Variants in FBN3 observed in about 807,000 individuals in gnomAD.
The protein encoded by FBN3 is fibrillin-3.
FBN3 carries 234 observed loss-of-function variants against 330.1 expected under a neutral mutation model. That is an observed-to-expected ratio of 0.71 (90% confidence interval 0.64 to 0.79). FBN3 has a LOEUF of 0.79. Ranked by LOEUF, FBN3 falls within the 30% of genes least tolerant of loss-of-function variation. The probability of loss-of-function intolerance (pLI) is 0.00; values close to 1 mark genes in which losing one functional copy is unlikely to be tolerated. For synonymous variants in FBN3, 1,458 were observed against 1,517.3 expected (o/e 0.96, Z 0.91); for missense variants, 3,606 against 3,886.9 (o/e 0.93, Z 1.92).
Position 8,081,473 on chromosome 19 carries a change from A to G in FBN3, c.7221T>C (p.Asp2407=). The G allele has an allele frequency of 3.1e-6, 5 of 1,603,852 alleles. No individual in the cohort carries two copies. The highest frequency in any genetic ancestry group is 4.3e-6 in the Non-Finnish European group (5 of 1,175,822). Residue 2407 remains aspartate (D), a synonymous_variant, in exon 58 of 64, where the codon GAT becomes GAC. Transcript: ENST00000600128. Reference sequence around the variant, plus strand: ...ATGGCTTGGGGACCTGGCTGCACTCATCCATATCTGGGGAAGGACAGCGTG... The same window carrying G: ...ATGGCTTGGGGACCTGGCTGCACTCGTCCATATCTGGGGAAGGACAGCGTG... ...DATATTCLDM[D]ECSQVPKPCT... is the part of the protein sequence containing the mutation.
chr19:8,127,057 T>C (rs1234857740), intron 18 of FBN3, among the ~76,000 whole-genome samples: 1 of 98,914 alleles, frequency 1.0e-5, no homozygotes, highest in African/African-American at 3.8e-5. Context: ...TGTTTTTTTT[T>C]TGTTTTTTTT....
In FBN3 at chr19:8,089,891, C is replaced by T. The variant is rs1230525295; in HGVS notation, c.6250+3G>A. Reference sequence around the variant, plus strand: ...GCTCTTAGCATGTGGGTGAGGGGCTCACCTTCTCGGGAGTCATCCGGGCCT... The same window carrying T: ...GCTCTTAGCATGTGGGTGAGGGGCTTACCTTCTCGGGAGTCATCCGGGCCT... On this transcript the variant is annotated splice_donor_region_variant and intron_variant, in intron 50 of 63. Transcript: ENST00000600128. The T allele has an allele frequency of 3.8e-6, 6 of 1,594,224 alleles. No individual in the cohort carries two copies. Among genetic ancestry groups the T allele is most frequent in the African/African-American group, 1.3e-5 (1 of 74,746 alleles).
At position 8,065,515 on chromosome 19, in the gene FBN3, C is replaced by A. The variant is rs2081370820; in HGVS notation, c.*404G>T. ...TCTGGGCCCCCTGTACACCCTTCTACTCCGAGGAATAAGCCCTGTGCCCAC... is the reference window on the plus strand; with the variant it reads ...TCTGGGCCCCCTGTACACCCTTCTAATCCGAGGAATAAGCCCTGTGCCCAC... On this transcript the variant is annotated 3_prime_UTR_variant, in exon 64 of 64. Coordinates refer to ENST00000600128, the MANE Select transcript of FBN3 (RefSeq NM_032447.5). 4 of 194,932 alleles carry A rather than the reference C, an allele frequency of 2.1e-5. 1 individual carries two copies. Among genetic ancestry groups the A allele is most frequent in the South Asian group, 3.8e-4 (2 of 5,312 alleles). The allele number at this position is 194,932 out of a possible 1,614,324, so 12.1% of individuals were successfully genotyped here.
At chr19:8,137,343 GGCCTTAGATCCCTCCAACCTGGA>G in intron 10 of FBN3, among the ~76,000 whole-genome samples, 1 of 148,984 alleles carries the variant, frequency 6.7e-6, no homozygotes, top group Admixed American at 6.7e-5. Context: ...TCCAACCTGG[GGCCTTAGATCCCTCCAACCTGGA>G]GCCTAGATCC....
At chr19:8,073,923 C>G (rs1213843986) in intron 61 of FBN3, among the ~76,000 whole-genome samples, 1 of 152,100 alleles carries the variant, frequency 6.6e-6, no homozygotes, top group African/African-American at 2.4e-5. Flanking sequence ...CTCAAATGAT[C>G]CCCCTACCTC....
chr19:8,146,269 T>C (rs1191858947), intron 3 of FBN3, 44 bp from the exon 4 acceptor site: 1 of 1,515,214 alleles, frequency 6.6e-7, no homozygotes, highest in Non-Finnish European at 9.0e-7. Flanking sequence ...GGACCGAGCC[T>C]GGGCCGTCCC....
rs2082188527 is a variant in FBN3 at position 8,095,439 on chromosome 19, AGCT to A, written c.5718_5720del (p.Ala1907del). The A allele has an allele frequency of 6.2e-7, 1 of 1,613,690 alleles. No homozygotes were observed. The highest frequency in any genetic ancestry group is 1.1e-5 in the South Asian group (1 of 91,064). Reference sequence around the variant, plus strand: ...CCTGGCAGAGGCAGTGGAAGGAACCAGCTGTGTTGAGGCAATGGCCAAATCGGC... The same window carrying A: ...CCTGGCAGAGGCAGTGGAAGGAACCAGTGTTGAGGCAATGGCCAAATCGGC... On this transcript the variant is annotated inframe_deletion, in exon 46 of 64. Transcript: ENST00000600128.
chr19:8,132,657 A>C (rs763847127), intron 14 of FBN3, among the ~76,000 whole-genome samples: 1 of 151,116 alleles, frequency 6.6e-6, no homozygotes, highest in Non-Finnish European at 1.5e-5. Context: ...ATACCTGGCT[A>C]ATTTTTGTAT....
chr19:8,109,515 C>T lies in FBN3; in HGVS notation c.4456+116G>A, dbSNP rs1290377818. 9 of 1,533,908 alleles carry T rather than the reference C, an allele frequency of 5.9e-6. No individual in the cohort carries two copies. The Admixed American group carries it at 7.1e-5, about 12-fold the overall frequency. On this transcript the variant is annotated intron_variant, in intron 35 of 63. Coordinates refer to ENST00000600128, the MANE Select transcript of FBN3 (RefSeq NM_032447.5). The surrounding 1 kb of genome is among the most constrained non-coding windows in gnomAD (Gnocchi z 5.2). ...TCTTGCAGGAGACCAGCAGATGTCC[C>T]GTTTGTCAGGAGCAGGTAGATTTGA...
At chr19:8,132,073 G>A (rs1259955444) in intron 14 of FBN3, among the ~76,000 whole-genome samples, 1 of 151,494 alleles carries the variant, frequency 6.6e-6, no homozygotes, top group Non-Finnish European at 1.5e-5. Flanking sequence ...TTTTTTAAAC[G>A]CAGGGTCTGA....
At position 8,065,793 on chromosome 19, in the gene FBN3, G is replaced by T; in HGVS notation, c.*126C>A. On this transcript the variant is annotated 3_prime_UTR_variant, in exon 64 of 64. Transcript: ENST00000600128. The stretch of plus-strand genomic sequence containing the variant: ...GGCCGGGCTTGCCTGAGGTTGTCGT[G>T]TAGCATTTCACTCTTCCTGAGTTTC... The T allele has an allele frequency of 2.3e-6, 2 of 857,302 alleles. No individual in the cohort carries two copies. Among genetic ancestry groups the T allele is most frequent in the Non-Finnish European group, 3.5e-6 (2 of 564,134 alleles). The allele number at this position is 857,302 out of a possible 1,614,324, so 53.1% of individuals were successfully genotyped here.
intron 40 of FBN3, among the ~76,000 whole-genome samples, chr19:8,101,996 A>C (rs1000908567): frequency 6.6e-6 from 1 of 152,158 alleles, no homozygotes; most frequent in Non-Finnish European, 1.5e-5. Context: ...GTGGGAGGTA[A>C]CTGAGTCATG....
At chr19:8,075,535 C>A in intron 59 of FBN3, 124 bp from the exon 60 acceptor site, 1 of 929,016 alleles carries the variant, frequency 1.1e-6, no homozygotes, top group Non-Finnish European at 1.6e-6. Context: ...TGCCTGTTTC[C>A]CACTCTGTGA....
intron 36 of FBN3, among the ~76,000 whole-genome samples, chr19:8,108,619 C>T (rs899207): frequency 0.068 from 10,285 of 152,092 alleles, 1,068 homozygotes; most frequent in African/African-American, 0.23. Context: ...CATTCACACA[C>T]GCATACACCT....
chr19:8,133,084 G>A lies in FBN3; in HGVS notation c.1614C>T (p.Ser538=), dbSNP rs1167923352. The A allele has an allele frequency of 6.3e-7, 1 of 1,581,342 alleles. No individual in the cohort carries two copies. Residue 538 remains serine (S), a synonymous_variant, in exon 14 of 64, where the codon AGC becomes AGT. Coordinates refer to ENST00000600128, the MANE Select transcript of FBN3 (RefSeq NM_032447.5). ...GACACACGCCGTTGACGCACATGGT[G>A]CTGGTGGCACACTCGTTGTGGTCTG... ...NCVDHNECAT[S]TMCVNGVCLN...
At chr19:8,135,936 G>GGGGGGGGGGCGCCCCCCCCCCCCC in intron 13 of FBN3, 25 bp downstream of exon 13, 1 of 668,776 alleles carries the variant, frequency 1.5e-6, no homozygotes, top group Non-Finnish European at 2.4e-6. Context: ...GGAAGCCCCT[G>GGGGGGGGGGCGCCCCCCCCCCCCC]CCCACCCGCC....
intron 63 of FBN3, among the ~76,000 whole-genome samples, chr19:8,068,048 G>C (rs1000227751): frequency 6.6e-6 from 1 of 151,946 alleles, no homozygotes; most frequent in Admixed American, 6.6e-5. Context: ...GGGTGACAGA[G>C]TGAGACCCTG....
intron 8 of FBN3, among the ~76,000 whole-genome samples, chr19:8,141,159 C>T (rs1296949951): frequency 8.5e-4 from 116 of 136,234 alleles, no homozygotes; most frequent in Non-Finnish European, 6.8e-4. Flanking sequence ...CGCGCCACTG[C>T]ACTCCAGCCT....
intron 10 of FBN3, among the ~76,000 whole-genome samples, chr19:8,137,688 A>G (rs953076270): frequency 3.9e-5 from 6 of 152,054 alleles, no homozygotes; most frequent in African/African-American, 1.4e-4. Context: ...GAGGGCAGTG[A>G]CACAATCACA....
Sources: allele counts gnomAD v4.1 joint callset (sites outside exome capture counted in the v4.1 genomes callset), GRCh38; gene constraint gnomAD v4.1.1; non-coding constraint Gnocchi (gnomAD v3.1); transcripts MANE v1.5; gene names NCBI Gene and HGNC (gene_info 2026-07-23, HGNC 2026-07-21).